The following RC3H1 variants were observed in gnomAD, a reference collection of about 807,000 sequenced individuals.
The protein encoded by RC3H1 is ring finger and CCCH-type domains 1, also known as roquin-1.
Under a neutral mutation model 138.2 loss-of-function variants are expected in RC3H1, and 50 were observed. The ratio of observed to expected loss-of-function variants is 0.36; its 90% CI spans 0.29 to 0.46. RC3H1 has a LOEUF of 0.46. Among genes scored for constraint, RC3H1 ranks in the 20% least tolerant of loss-of-function variants. The pLI is 1.00. For synonymous variants in RC3H1, 462 were observed against 489.1 expected, an observed-to-expected ratio of 0.94 and a Z score of 0.73; for missense variants, 1,031 against 1,388.1, an observed-to-expected ratio of 0.74 and a Z score of 4.09.
chr1:173,938,868 A>G lies in RC3H1; in HGVS notation c.3255T>C (p.Asp1085=). ...GTGTCAAGGCTGATCCATTTGGTAC[A>G]TCACTGCTGACATTTTAAAATTTTG... ...PAEDLTLTFS[D]VPNGSALTQE... Residue 1085 remains aspartate (D), a synonymous_variant, in exon 20 of 20, where the codon GAT becomes GAC. Coordinates refer to ENST00000367696, the MANE Select transcript of RC3H1 (RefSeq NM_172071.4). 6.3e-7 allele frequency: 1 copy of G among 1,595,148 alleles called. No individual in the cohort carries two copies. The highest frequency in any genetic ancestry group is 8.5e-7 in the Non-Finnish European group (1 of 1,172,466).
intron 5 of RC3H1, among the ~76,000 whole-genome samples, chr1:173,982,477 G>A (rs986287645): frequency 1.3e-5 from 2 of 152,100 alleles, no homozygotes; most frequent in East Asian, 1.9e-4. Flanking sequence ...TAGTTTCTTA[G>A]TCTCTTCAAA....
chr1:173,947,415 C>G lies in RC3H1; in HGVS notation c.2691G>C (p.Gln897His). 1 of 1,614,042 alleles carries G rather than the reference C, an allele frequency of 6.2e-7. No homozygotes were observed. Among genetic ancestry groups the G allele is most frequent in the South Asian group, 1.1e-5 (1 of 91,076 alleles). Residue 897 changes from glutamine to histidine, a missense_variant, in exon 15 of 20, where the codon CAG becomes CAC. By Grantham distance (24) the Gln-to-His change is conservative. This residue lies in a region of RC3H1 where 716 missense variants were observed against 837.9 expected (regional missense o/e 0.85). Transcript: ENST00000367696. ...TAGGAGCTCCCTGAGGTGCCATAGC[C>G]TGCATTGGACCAGCACCCTGATATA... ...KTIYQGAGPM[Q>H]AMAPQGAPTK...
intron 13 of RC3H1, among the ~76,000 whole-genome samples, chr1:173,953,111 A>T (rs1385940627): frequency 6.6e-6 from 1 of 152,058 alleles, no homozygotes; most frequent in African/African-American, 2.4e-5. Context: ...CTGCTCACTA[A>T]TATCACTCAT....
chr1:173,982,617 A>T, intron 5 of RC3H1, 110 bp downstream of exon 5: 1 of 920,910 alleles, frequency 1.1e-6, no homozygotes, highest in African/African-American at 1.7e-5. Context: ...AAAATTGCTG[A>T]GATTTTCTGA....
Position 173,943,611 on chromosome 1 carries a change from A to G in RC3H1, c.2966T>C (p.Val989Ala). ...QQTQLRGLEA[V>A]SNRLVLQREA... ...CCTCTGCAACACCAGCCTGTTACTA[A>G]CAGCCTAGTGCATAAAGCCAAGCAC... Residue 989 changes from valine (V) to alanine (A), a missense_variant, in exon 18 of 20, where the codon GTT becomes GCT. Physicochemically the swap from Val to Ala is moderately conservative, Grantham distance 64. Transcript: ENST00000367696. The G allele has an allele frequency of 1.2e-6, 2 of 1,611,984 alleles. No individual in the cohort carries two copies. Among genetic ancestry groups the G allele is most frequent in the South Asian group, 1.1e-5 (1 of 90,720 alleles).
intron 1 of RC3H1, among the ~76,000 whole-genome samples, chr1:174,017,947 C>T (rs1484850117): frequency 1.3e-5 from 2 of 152,008 alleles, no homozygotes; most frequent in African/African-American, 4.8e-5. Flanking sequence ...ATTGTTATGC[C>T]TGTAATCTCA....
At chr1:173,946,166 C>CA (rs1001954830) in intron 17 of RC3H1, among the ~76,000 whole-genome samples, 1 of 150,988 alleles carries the variant, frequency 6.6e-6, no homozygotes, top group Non-Finnish European at 1.5e-5. Flanking sequence ...AATACTGTCT[C>CA]AAAAAAAGAA....
At chr1:174,015,669 A>ATT (rs986426505) in intron 1 of RC3H1, among the ~76,000 whole-genome samples, 13 of 103,932 alleles carry the variant, frequency 1.3e-4, no homozygotes, top group Non-Finnish European at 1.9e-4. Flanking sequence ...CTGGCCTCAT[A>ATT]TTTTATATAT....
intron 13 of RC3H1, among the ~76,000 whole-genome samples, chr1:173,956,273 CAGTG>C (rs1659643406): frequency 6.6e-6 from 1 of 152,140 alleles, no homozygotes; most frequent in Admixed American, 6.5e-5. Context: ...GACCTTCCAG[CAGTG>C]AGTATCACAT....
chr1:173,995,639 A>G (rs1409845989), intron 1 of RC3H1, among the ~76,000 whole-genome samples: 1 of 152,168 alleles, frequency 6.6e-6, no homozygotes, highest in African/African-American at 2.4e-5. Flanking sequence ...AGAGTAGTGT[A>G]AAGCCACTGA....
intron 1 of RC3H1, among the ~76,000 whole-genome samples, chr1:174,009,787 G>A (rs778517867): frequency 1.3e-5 from 2 of 152,166 alleles, no homozygotes; most frequent in African/African-American, 4.8e-5. Flanking sequence ...GCAGTGAGCC[G>A]AGATCGTGCC....
At chr1:173,998,329 G>A (rs1056532354) in intron 1 of RC3H1, among the ~76,000 whole-genome samples, 2 of 152,134 alleles carry the variant, frequency 1.3e-5, no homozygotes, top group Non-Finnish European at 2.9e-5. Flanking sequence ...ATTCAAAAGA[G>A]TGACACTGCT....
intron 8 of RC3H1, among the ~76,000 whole-genome samples, chr1:173,971,392 A>G (rs887036916): frequency 6.6e-6 from 1 of 152,242 alleles, no homozygotes; most frequent in African/African-American, 2.4e-5. Context: ...ACAACATACC[A>G]CAAAAACTAC....
chr1:173,946,751 A>C lies in RC3H1; in HGVS notation c.2823T>G (p.Ser941Arg), dbSNP rs1475449150. 1.2e-6 allele frequency: 2 copies of C among 1,612,818 alleles called. No homozygotes were observed. The highest frequency in any genetic ancestry group is 2.2e-5 in the South Asian group (2 of 91,036). ...HQNIPSQGHFSERERISMSEV... is the reference protein window; with the variant it reads ...HQNIPSQGHFRERERISMSEV... The stretch of plus-strand genomic sequence containing the variant: ...GTAAAAAGAATGACTCATACCTCTC[A>C]CTGAAGTGTCCCTGAGAAGGTATGT... The change falls in exon 16 of 20, where the codon AGT becomes AGG. Residue 941 changes from serine (S) to arginine (R), a missense_variant. Ser to Arg is a moderately radical substitution (Grantham distance 110). This residue lies in a region of RC3H1 where 716 missense variants were observed against 837.9 expected (regional missense o/e 0.85). Transcript: ENST00000367696.
At chr1:173,945,034 C>CCA (rs2102859205) in intron 17 of RC3H1, among the ~76,000 whole-genome samples, 1 of 152,180 alleles carries the variant, frequency 6.6e-6, no homozygotes, top group South Asian at 2.1e-4. Flanking sequence ...CTTCAGTTTT[C>CCA]CATATTCAAA....
At chr1:173,969,449 G>A (rs753236042) in intron 9 of RC3H1, 12 of 151,658 alleles carry the variant, frequency 7.9e-5, no homozygotes, top group Non-Finnish European at 1.3e-4. Flanking sequence ...GGCATCTATT[G>A]TAATGTATTA....
intron 1 of RC3H1, among the ~76,000 whole-genome samples, chr1:174,011,602 T>C (rs1661770646): frequency 6.6e-6 from 1 of 151,774 alleles, no homozygotes; most frequent in Non-Finnish European, 1.5e-5. Context: ...AAAAGTCAAA[T>C]CAAGACCATA....
chr1:173,970,618 C>G lies in RC3H1; in HGVS notation c.1222-1G>C, dbSNP rs1259244805. 1 of 1,605,636 alleles carries G rather than the reference C, an allele frequency of 6.2e-7. No individual in the cohort carries two copies. Among genetic ancestry groups the G allele is most frequent in the Non-Finnish European group, 8.5e-7 (1 of 1,174,828 alleles). On this transcript the variant is annotated splice_acceptor_variant, in intron 8 of 19. Coordinates refer to ENST00000367696, the MANE Select transcript of RC3H1 (RefSeq NM_172071.4). LOFTEE classifies it high-confidence loss of function. ...TTTTGTATTTGCTATGCTGTGGAGG[C>G]TAAAACCAAAATCAAAACATTAGAT...
chr1:173,962,273 C>T (rs1258262732), intron 11 of RC3H1, among the ~76,000 whole-genome samples, 178 bp from the exon 12 acceptor site: 6 of 152,126 alleles, frequency 3.9e-5, no homozygotes, highest in Non-Finnish European at 1.5e-5. Flanking sequence ...CAAAAATTAT[C>T]TGTAAAAGTC....
Sources: gnomAD v4.1 joint callset for allele counts (sites outside exome capture counted in the v4.1 genomes callset) on GRCh38, gnomAD v4.1.1 for gene constraint, gnomAD v4.1.1 regional missense constraint, MANE v1.5 for transcripts, NCBI Gene and HGNC (gene_info 2026-07-23, HGNC 2026-07-21) for gene names.